Variants in SNX29 observed in about 807,000 individuals in gnomAD.
SNX29 encodes sorting nexin 29.
SNX29 carries 78 observed loss-of-function variants against 102.1 expected under a neutral mutation model. The observed-to-expected ratio is 0.76, with a 90% CI of 0.64 to 0.92. The LOEUF is 0.92. SNX29 is among the 40% of genes least tolerant of loss of function. SNX29 has a pLI of 0.00. For missense variants in SNX29, 1,280 were observed against 1,061.7 expected, an observed-to-expected ratio of 1.21 and a Z score of -2.86; for synonymous variants, 580 against 414.5, an observed-to-expected ratio of 1.40 and a Z score of -4.85.
chr16:12,250,750 C>T (rs1385470028), intron 14 of SNX29, among the ~76,000 whole-genome samples: 1 of 152,186 alleles, frequency 6.6e-6, no homozygotes, highest in Non-Finnish European at 1.5e-5. Context: ...CAGGGCTGTC[C>T]TGGGTGGCTC....
chr16:12,553,538 G>C (rs750097162), intron 20 of SNX29, among the ~76,000 whole-genome samples: 1 of 152,134 alleles, frequency 6.6e-6, no homozygotes, highest in Non-Finnish European at 1.5e-5. Flanking sequence ...GGACCCCACA[G>C]AGCACTGCAG....
chr16:12,056,911 TC>T (rs2050543938), intron 8 of SNX29, among the ~76,000 whole-genome samples: 1 of 152,008 alleles, frequency 6.6e-6, no homozygotes, highest in Non-Finnish European at 1.5e-5. Flanking sequence ...CTCAGGGAAC[TC>T]CTAGTGTCAA....
At chr16:12,201,545 T>C (rs1251052881) in intron 14 of SNX29, among the ~76,000 whole-genome samples, 1 of 152,242 alleles carries the variant, frequency 6.6e-6, no homozygotes, top group East Asian at 1.9e-4. Context: ...CGCATTTTTC[T>C]CCAAACCTCT....
At chr16:12,268,205 T>C (rs777978345) in intron 14 of SNX29, among the ~76,000 whole-genome samples, 8 of 152,246 alleles carry the variant, frequency 5.3e-5, no homozygotes, top group Non-Finnish European at 1.0e-4. Context: ...GCATATTAAA[T>C]AGTCACTTCT....
At chr16:12,341,175 T>G (rs908969339) in intron 15 of SNX29, among the ~76,000 whole-genome samples, 1 of 152,170 alleles carries the variant, frequency 6.6e-6, no homozygotes, top group Non-Finnish European at 1.5e-5. Context: ...GACAAACTCA[T>G]TAGAAAGTAC....
chr16:12,439,191 G>T (rs7186191), intron 18 of SNX29, among the ~76,000 whole-genome samples: 6,478 of 152,254 alleles, frequency 0.043, 459 homozygotes, highest in African/African-American at 0.15. Flanking sequence ...CCTTGCAATG[G>T]GAAGCAGCCT....
intron 14 of SNX29, among the ~76,000 whole-genome samples, chr16:12,259,664 GTCTTCAAA>G (rs2142471479): frequency 6.6e-6 from 1 of 152,292 alleles, no homozygotes; most frequent in Non-Finnish European, 1.5e-5. Context: ...CCTAATGCTA[GTCTTCAAA>G]CTGTAAGGTA....
chr16:12,460,472 A>T (rs983161363), intron 18 of SNX29, among the ~76,000 whole-genome samples: 1 of 151,044 alleles, frequency 6.6e-6, no homozygotes, highest in Non-Finnish European at 1.5e-5. Context: ...CCCTCTTGTT[A>T]CCTCCTCCTC....
chr16:12,036,732 T>C (rs140562419), intron 4 of SNX29, among the ~76,000 whole-genome samples: 2,257 of 152,288 alleles, frequency 0.015, 43 homozygotes, highest in African/African-American at 0.051. Flanking sequence ...TCACCCCGCA[T>C]GGCTGTGGAG....
intron 11 of SNX29, among the ~76,000 whole-genome samples, chr16:12,099,894 G>T (rs2052935971): frequency 6.6e-6 from 1 of 152,118 alleles, no homozygotes; most frequent in Non-Finnish European, 1.5e-5. Context: ...TCTCCTGTGA[G>T]CGCTAGGCAT....
intron 13 of SNX29, among the ~76,000 whole-genome samples, chr16:12,190,041 C>A (rs2141894016): frequency 6.6e-6 from 1 of 152,314 alleles, no homozygotes; most frequent in East Asian, 1.9e-4. Context: ...ATTGATCCAT[C>A]CCCTTGTAAG....
chr16:12,050,307 G>T (rs1378754977), intron 7 of SNX29, among the ~76,000 whole-genome samples: 1 of 152,224 alleles, frequency 6.6e-6, no homozygotes. Flanking sequence ...CAAGTGTGAT[G>T]ATTAAAATAG....
At chr16:12,554,968 G>C (rs1406149324) in intron 20 of SNX29, among the ~76,000 whole-genome samples, 5 of 151,974 alleles carry the variant, frequency 3.3e-5, no homozygotes, top group Non-Finnish European at 5.9e-5. Context: ...GAGGTGGTGA[G>C]GGGGGTCAGT....
rs375940088 is a variant in SNX29, at chr16:12,499,194, T to G, written c.2178+21335T>G. ...CTGGAACAACCAATAAAAAATGTGT[T>G]TGCTCTCTGGGGCATTTCCCTCAGC... is the stretch of plus-strand genomic sequence containing the variant. On this transcript the variant is annotated intron_variant, in intron 19 of 20. Coordinates refer to ENST00000566228, the MANE Select transcript of SNX29 (RefSeq NM_032167.5). 1.6e-4 allele frequency among the ~76,000 whole-genome samples: 24 copies of G among 152,316 alleles called. No individual in the cohort carries two copies. In the East Asian group the frequency reaches 2.1e-3, roughly 13 times the overall value.
At chr16:12,473,703 T>C (rs1421102337) in intron 18 of SNX29, among the ~76,000 whole-genome samples, 1 of 152,148 alleles carries the variant, frequency 6.6e-6, no homozygotes, top group Non-Finnish European at 1.5e-5. Context: ...ATTAAACAGG[T>C]TGCAGTAAAG....
At position 12,018,443 on chromosome 16, in the gene SNX29, C is replaced by T. The variant is rs1442999808; in HGVS notation, c.123-8877C>T. On this transcript the variant is annotated intron_variant, in intron 3 of 20. Coordinates refer to ENST00000566228, the MANE Select transcript of SNX29 (RefSeq NM_032167.5). ...ATTAAAAAAAAAAAAATCAGCCGGG[C>T]GTGGTGGTGGGCACCTGTAATCCCA... 8.6e-5 allele frequency among the ~76,000 whole-genome samples: 13 copies of T among 150,726 alleles called. No homozygotes were observed. In the South Asian group the frequency reaches 1.3e-3, roughly 15 times the overall value.
In SNX29 at chr16:12,569,911, C is replaced by T. The variant is rs2079150573; in HGVS notation, c.*1282C>T. 3 of 232,106 alleles carry T rather than the reference C, an allele frequency of 1.3e-5. No individual in the cohort carries two copies. The highest frequency in any genetic ancestry group is 6.6e-5 in the African/African-American group (3 of 45,236). 14.4% of individuals were successfully genotyped at this position (232,106 alleles called of 1,614,324 possible). A position where few individuals can be genotyped will look rare whatever the true frequency, so the allele number is the denominator to read the frequency against. Reference sequence around the variant, plus strand: ...GTTTCGCCTTAATCTGAGGCAGAGACACAGCAGAACCTGAGGAGAAAAGCA... The same window carrying T: ...GTTTCGCCTTAATCTGAGGCAGAGATACAGCAGAACCTGAGGAGAAAAGCA... On this transcript the variant is annotated 3_prime_UTR_variant, in exon 21 of 21. Coordinates refer to ENST00000566228, the MANE Select transcript of SNX29 (RefSeq NM_032167.5).
intron 13 of SNX29, among the ~76,000 whole-genome samples, chr16:12,136,656 A>G (rs959761352): frequency 6.6e-6 from 1 of 152,234 alleles, no homozygotes; most frequent in Non-Finnish European, 1.5e-5. Flanking sequence ...GGCCTCTGGT[A>G]GCACTGAGAC....
intron 18 of SNX29, among the ~76,000 whole-genome samples, chr16:12,419,522 G>T (rs996383278): frequency 1.3e-5 from 2 of 151,808 alleles, no homozygotes; most frequent in African/African-American, 4.8e-5. Context: ...AAGACCAAGG[G>T]TACAGCTTGA....
Sources: allele counts gnomAD v4.1 joint callset (sites outside exome capture counted in the v4.1 genomes callset), GRCh38; gene constraint gnomAD v4.1.1; transcripts MANE v1.5; gene names NCBI Gene and HGNC (gene_info 2026-07-23, HGNC 2026-07-21).